ARHGAP26: variants seen among roughly 807,000 people sequenced by gnomAD.
ARHGAP26 encodes the protein rho GTPase-activating protein 26.
In ARHGAP26, 38 loss-of-function variants were observed where a neutral mutation model predicts 104.8. The observed-to-expected ratio is 0.36, with a 90% CI of 0.28 to 0.48. The LOEUF (loss-of-function observed/expected upper bound fraction) is 0.48. ARHGAP26 is among the 20% of genes least tolerant of loss of function. The probability of loss-of-function intolerance (pLI) is 0.99; values close to 1 mark genes in which losing one functional copy is unlikely to be tolerated. For synonymous variants in ARHGAP26, 341 were observed against 340.0 expected, an observed-to-expected ratio of 1.00 and a Z score of -0.03; for missense variants, 704 against 947.9, an observed-to-expected ratio of 0.74 and a Z score of 3.38.
intron 1 of ARHGAP26, among the ~76,000 whole-genome samples, chr5:142,822,590 A>G (rs1766409125): frequency 6.6e-6 from 1 of 152,148 alleles, no homozygotes; most frequent in African/African-American, 2.4e-5. Flanking sequence ...CCATATATAT[A>G]TATAGCTGAT....
intron 20 of ARHGAP26, among the ~76,000 whole-genome samples, chr5:143,179,337 G>C (rs938598488): frequency 3.3e-5 from 5 of 152,164 alleles, no homozygotes; most frequent in African/African-American, 1.2e-4. Flanking sequence ...TTGGGTGTAC[G>C]AGCAAGAGAG....
intron 11 of ARHGAP26, among the ~76,000 whole-genome samples, chr5:142,996,040 G>C (rs923602552): frequency 1.3e-5 from 2 of 152,102 alleles, no homozygotes; most frequent in Non-Finnish European, 2.9e-5. Context: ...GGGGCCTACT[G>C]GGGGGTGGGG....
intron 1 of ARHGAP26, among the ~76,000 whole-genome samples, chr5:142,794,813 G>A (rs1171480014): frequency 1.3e-5 from 2 of 152,166 alleles, no homozygotes; most frequent in Non-Finnish European, 2.9e-5. Context: ...ATGATTGACT[G>A]CCCTGTAGCC....
chr5:143,061,293 T>G (rs1422534861), intron 17 of ARHGAP26, among the ~76,000 whole-genome samples: 1 of 152,208 alleles, frequency 6.6e-6, no homozygotes, highest in Non-Finnish European at 1.5e-5. Flanking sequence ...TAAGAGTAGA[T>G]GAGTAATAAA....
At chr5:143,014,418 C>A (rs1188308049) in intron 12 of ARHGAP26, 3 of 387,610 alleles carry the variant, frequency 7.7e-6, no homozygotes, top group Non-Finnish European at 1.4e-5. Flanking sequence ...GACTATAGCT[C>A]GTCACCACTT....
intron 4 of ARHGAP26, 33 bp downstream of exon 4, chr5:142,879,478 A>C (rs1490495666): frequency 1.3e-6 from 2 of 1,568,854 alleles, no homozygotes; most frequent in African/African-American, 1.4e-5. Flanking sequence ...TCTGGATTTT[A>C]GGGTGAGAGG....
At chr5:143,126,410 G>A (rs1211415773) in intron 18 of ARHGAP26, among the ~76,000 whole-genome samples, 2 of 152,198 alleles carry the variant, frequency 1.3e-5, no homozygotes, top group Non-Finnish European at 2.9e-5. Context: ...AAAACTGGGA[G>A]CTCTCAGAAG....
chr5:143,097,068 G>A (rs1228421959), intron 17 of ARHGAP26, among the ~76,000 whole-genome samples: 1 of 152,160 alleles, frequency 6.6e-6, no homozygotes. Context: ...ACCATGCGCG[G>A]TGGCTCATGC....
chr5:143,183,854 G>A (rs1384981860), intron 20 of ARHGAP26, among the ~76,000 whole-genome samples: 1 of 152,196 alleles, frequency 6.6e-6, no homozygotes, highest in Non-Finnish European at 1.5e-5. Flanking sequence ...TGCTGGTGGA[G>A]AATATAGTAG....
chr5:142,855,464 G>A (rs1291050621), intron 1 of ARHGAP26, among the ~76,000 whole-genome samples: 2 of 152,170 alleles, frequency 1.3e-5, no homozygotes, highest in Non-Finnish European at 2.9e-5. Flanking sequence ...CATCCCAGGT[G>A]CTTTGCTCCC....
In ARHGAP26 at chr5:142,932,054, G is replaced by T. The variant is rs937601001; in HGVS notation, c.1036G>T (p.Val346Phe). ...FDVEAVDRPG[V>F]ITMQALSEED... The stretch of plus-strand genomic sequence containing the variant: ...TCCCTCCTTTCTCTGCAGGCCAGGG[G>T]TTATCACCATGCAAGCTTTGTCGGA... Residue 346 changes from valine to phenylalanine, a missense_variant, in exon 11 of 23, where the codon GTT becomes TTT. This residue lies in a region of ARHGAP26 where 287 missense variants were observed against 438.8 expected (regional missense o/e 0.65). Transcript: ENST00000645722. 2.5e-6 allele frequency: 4 copies of T among 1,614,064 alleles called. No individual in the cohort carries two copies. Among genetic ancestry groups the T allele is most frequent in the Admixed American group, 3.3e-5 (2 of 60,026 alleles).
intron 20 of ARHGAP26, among the ~76,000 whole-genome samples, chr5:143,177,287 G>A (rs751276456): frequency 5.3e-5 from 8 of 152,078 alleles, no homozygotes; most frequent in African/African-American, 7.2e-5. Context: ...ATAGTGTTTG[G>A]CTTTTGTTTG....
In ARHGAP26 at chr5:142,949,207, GA is replaced by G. The variant is rs1425577717; in HGVS notation, c.1107+17083del. On this transcript the variant is annotated intron_variant, in intron 11 of 22. Transcript: ENST00000645722. ...AGAGAGAGAGAGAGAGAGAGAGAGA[GA>G]GAGAGAGAGAGAGGAGAGAGAGAGG... 9.7e-4 allele frequency among the ~76,000 whole-genome samples: 56 copies of G among 57,568 alleles called. 4 individuals are homozygous for G. The highest frequency in any genetic ancestry group is 5.3e-3 in the African/African-American group (35 of 6,624). 37.8% of individuals were successfully genotyped at this position (57,568 alleles called of 152,430 possible).
At position 142,879,402 on chromosome 5, in the gene ARHGAP26, C is replaced by T. The variant is rs773845372; in HGVS notation, c.341C>T (p.Thr114Ile). 6.2e-7 allele frequency: 1 copy of T among 1,614,080 alleles called. No homozygotes were observed. The highest frequency in any genetic ancestry group is 2.2e-5 in the East Asian group (1 of 44,876). Residue 114 changes from threonine (T) to isoleucine (I), a missense_variant, in exon 4 of 23, where the codon ACT becomes ATT. Physicochemically the swap from Thr to Ile is moderately conservative, Grantham distance 89. Transcript: ENST00000645722. ...GAGAATGCCAGCGAGGTGCTCATCA[C>T]TCCCTTGGAGAAGTTTCGAAAGGAA... The part of the protein sequence containing the change: ...MIENASEVLI[T>I]PLEKFRKEQI...
Position 142,875,101 on chromosome 5 carries a change from G to A in ARHGAP26, c.251-9G>A, listed in dbSNP as rs1022024368. 6 of 1,613,718 alleles carry A rather than the reference G, an allele frequency of 3.7e-6. No homozygotes were observed. The African/African-American group carries it at 6.7e-5, about 18-fold the overall frequency. Reference sequence around the variant, plus strand: ...TCCTTCCACCTCATGGCCCCTTTCTGTTTTCCAGCAAGATCTTTGCAGGAG... The same window carrying A: ...TCCTTCCACCTCATGGCCCCTTTCTATTTTCCAGCAAGATCTTTGCAGGAG... On this transcript the variant is annotated splice_polypyrimidine_tract_variant and intron_variant, in intron 2 of 22. Coordinates refer to ENST00000645722, the MANE Select transcript of ARHGAP26 (RefSeq NM_001135608.3).
intron 20 of ARHGAP26, among the ~76,000 whole-genome samples, chr5:143,167,464 C>T (rs1253382757): frequency 9.5e-6 from 1 of 105,498 alleles, no homozygotes; most frequent in East Asian, 2.7e-4. Context: ...GCCTGCATGA[C>T]AGAGCAAGAC....
intron 6 of ARHGAP26, among the ~76,000 whole-genome samples, chr5:142,901,045 C>G (rs996702208): frequency 6.6e-6 from 1 of 152,122 alleles, no homozygotes; most frequent in African/African-American, 2.4e-5. Flanking sequence ...ATGTGTAGAA[C>G]TTGAGAAGGG....
chr5:143,132,861 TA>T (rs11339754), intron 18 of ARHGAP26, among the ~76,000 whole-genome samples: 33,753 of 134,428 alleles, frequency 0.25, 4,233 homozygotes, highest in South Asian at 0.36. Context: ...GAATCTGGGG[TA>T]AAAAAAAAAA....
chr5:143,173,015 G>T (rs1395606394), intron 20 of ARHGAP26: 5 of 180,074 alleles, frequency 2.8e-5, no homozygotes, highest in Non-Finnish European at 4.7e-5. Context: ...GGATACTGTT[G>T]GGAAGGTAGT....
Sources: allele counts gnomAD v4.1 joint callset (sites outside exome capture counted in the v4.1 genomes callset), GRCh38; gene constraint gnomAD v4.1.1; regional missense constraint gnomAD v4.1.1; transcripts MANE v1.5; gene names NCBI Gene and HGNC (gene_info 2026-07-23, HGNC 2026-07-21).